Variants in ZNF804A observed in about 807,000 individuals in gnomAD.
ZNF804A encodes the protein zinc finger protein 804A.
Under a neutral mutation model 16.5 loss-of-function variants are expected in ZNF804A, and 2 were observed. The observed-to-expected ratio is 0.12, with a 90% CI of 0.05 to 0.38. The LOEUF is 0.38. Ranked by LOEUF, ZNF804A falls within the 10% of genes least tolerant of loss-of-function variation. The probability of loss-of-function intolerance (pLI) is 0.99; values close to 1 mark genes in which losing one functional copy is unlikely to be tolerated. For synonymous variants in ZNF804A, 534 were observed against 489.6 expected (o/e 1.09, Z -1.20); for missense variants, 1,473 against 1,390.7 (o/e 1.06, Z -0.94).
chr2:184,908,219 C>T (rs1352115747), intron 2 of ZNF804A, among the ~76,000 whole-genome samples: 1 of 152,058 alleles, frequency 6.6e-6, no homozygotes, highest in Non-Finnish European at 1.5e-5. Flanking sequence ...CCTTTGCCAG[C>T]TTTAAGGGGT....
At chr2:184,905,896 G>C (rs1685265901) in intron 2 of ZNF804A, among the ~76,000 whole-genome samples, 1 of 152,116 alleles carries the variant, frequency 6.6e-6, no homozygotes. Context: ...TTGTGTACTT[G>C]GTGATATAGC....
intron 2 of ZNF804A, among the ~76,000 whole-genome samples, chr2:184,909,695 A>G (rs911703848): frequency 6.6e-6 from 1 of 151,994 alleles, no homozygotes; most frequent in Non-Finnish European, 1.5e-5. Flanking sequence ...TCAATCTCAA[A>G]TGAGATTTGT....
intron 1 of ZNF804A, among the ~76,000 whole-genome samples, chr2:184,636,515 G>A (rs944050813): frequency 7.2e-6 from 1 of 139,784 alleles, no homozygotes; most frequent in Non-Finnish European, 1.5e-5. Context: ...TAGGTGCTTT[G>A]GCTAGGACAA....
At position 184,926,414 on chromosome 2, in the gene ZNF804A, G is replaced by T. The variant is rs567809449; in HGVS notation, c.256-7189G>T. The stretch of plus-strand genomic sequence containing the variant: ...TTATATTATTTGTTTCTTCTTTCTT[G>T]CTGCTTTTAGGATCCTTTCTTTTTC... On this transcript the variant is annotated intron_variant, in intron 2 of 3. Transcript: ENST00000302277. Among the ~76,000 whole-genome samples, 26 of 151,674 alleles carry T rather than the reference G, an allele frequency of 1.7e-4. No individual in the cohort carries two copies. The South Asian group carries it at 5.4e-3, about 32-fold the overall frequency.
At chr2:184,900,358 A>T (rs144560346) in intron 2 of ZNF804A, among the ~76,000 whole-genome samples, 1 of 152,214 alleles carries the variant, frequency 6.6e-6, no homozygotes, top group East Asian at 1.9e-4. Flanking sequence ...CTACATATAA[A>T]TCCCTGAATT....
At chr2:184,783,409 C>T (rs912344752) in intron 1 of ZNF804A, among the ~76,000 whole-genome samples, 1 of 151,390 alleles carries the variant, frequency 6.6e-6, no homozygotes, top group South Asian at 2.1e-4. Context: ...CTAGAAAATG[C>T]TTTTGGAAGA....
chr2:184,686,598 A>G (rs1692637955), intron 1 of ZNF804A, among the ~76,000 whole-genome samples: 1 of 152,016 alleles, frequency 6.6e-6, no homozygotes, highest in African/African-American at 2.4e-5. Flanking sequence ...GCTCTGTTTT[A>G]AGCTCTTTTG....
At position 184,865,178 on chromosome 2, in the gene ZNF804A, C is replaced by T. The variant is rs1211725958; in HGVS notation, c.112-1191C>T. Among the ~76,000 whole-genome samples, 5 of 151,916 alleles carry T rather than the reference C, an allele frequency of 3.3e-5. No homozygotes were observed. The East Asian group carries it at 9.7e-4, about 29-fold the overall frequency. Reference sequence around the variant, plus strand: ...TGCAGGCATGAGCCACGGCGCCAGGCCTAGTTATTCTGAATTTTAAAGGAG... The same window carrying T: ...TGCAGGCATGAGCCACGGCGCCAGGTCTAGTTATTCTGAATTTTAAAGGAG... On this transcript the variant is annotated intron_variant, in intron 1 of 3. Transcript: ENST00000302277.
At chr2:184,740,115 A>G (rs1693691192) in intron 1 of ZNF804A, among the ~76,000 whole-genome samples, 1 of 152,184 alleles carries the variant, frequency 6.6e-6, no homozygotes, top group South Asian at 2.1e-4. Flanking sequence ...TCAATATTTC[A>G]AGGGACTCAT....
intron 1 of ZNF804A, among the ~76,000 whole-genome samples, chr2:184,642,070 G>A (rs1184449419): frequency 1.3e-5 from 2 of 151,968 alleles, no homozygotes; most frequent in African/African-American, 2.4e-5. Context: ...ATGCACTCTT[G>A]ATGTTTCTCA....
At chr2:184,613,141 G>C (rs1380134567) in intron 1 of ZNF804A, among the ~76,000 whole-genome samples, 1 of 152,228 alleles carries the variant, frequency 6.6e-6, no homozygotes, top group Non-Finnish European at 1.5e-5. Flanking sequence ...AAACTGTGTA[G>C]AGTATGAGAC....
At chr2:184,713,163 TA>T (rs1366452603) in intron 1 of ZNF804A, among the ~76,000 whole-genome samples, 1 of 151,732 alleles carries the variant, frequency 6.6e-6, no homozygotes, top group Non-Finnish European at 1.5e-5. Context: ...GCTTCAATAG[TA>T]AAGGACCTTA....
intron 1 of ZNF804A, among the ~76,000 whole-genome samples, chr2:184,850,598 T>G (rs1574240708): frequency 6.6e-6 from 1 of 151,710 alleles, no homozygotes; most frequent in African/African-American, 2.4e-5. Context: ...TTCTTTCTTT[T>G]TTTTTTAACT....
intron 1 of ZNF804A, among the ~76,000 whole-genome samples, chr2:184,683,122 C>A (rs996067810): frequency 6.6e-6 from 1 of 152,104 alleles, no homozygotes. Context: ...ATTGCAGTAT[C>A]TATTTTATCT....
intron 1 of ZNF804A, among the ~76,000 whole-genome samples, chr2:184,604,146 CTTTTTTTTTTTTT>C (rs759053144): frequency 0.027 from 1,203 of 44,672 alleles, 124 homozygotes; most frequent in Non-Finnish European, 0.042. Flanking sequence ...ACTGCAATTA[CTTTTTTTTTTTTT>C]TTTTTTTTTT....
At chr2:184,682,945 C>T (rs1274369720) in intron 1 of ZNF804A, among the ~76,000 whole-genome samples, 1 of 152,162 alleles carries the variant, frequency 6.6e-6, no homozygotes, top group African/African-American at 2.4e-5. Context: ...AAAGTCAAGG[C>T]TGCAGTGAGC....
In ZNF804A at chr2:184,937,030, G is replaced by A. The variant is rs1343636367; in HGVS notation, c.1634G>A (p.Gly545Asp). The change falls in exon 4 of 4, where the codon GGT becomes GAT. Residue 545 changes from glycine to aspartate, a missense_variant. By Grantham distance (94) the Gly-to-Asp change is moderately conservative. Coordinates refer to ENST00000302277, the MANE Select transcript of ZNF804A (RefSeq NM_194250.2). The stretch of plus-strand genomic sequence containing the variant: ...GATTCTGGAAAAAATGAGAACACAG[G>A]TCAGAGGTATAAAAACATTTCCTGT... ...SCDSGKNENTGQRYKNISCKI... is the reference protein window; with the variant it reads ...SCDSGKNENTDQRYKNISCKI... 6.2e-7 allele frequency: 1 copy of A among 1,610,652 alleles called. No individual in the cohort carries two copies. Among genetic ancestry groups the A allele is most frequent in the Non-Finnish European group, 8.5e-7 (1 of 1,178,978 alleles).
At chr2:184,755,871 C>G (rs1693951656) in intron 1 of ZNF804A, among the ~76,000 whole-genome samples, 1 of 151,984 alleles carries the variant, frequency 6.6e-6, no homozygotes, top group Non-Finnish European at 1.5e-5. Context: ...CTGAATTCTA[C>G]TCCCAGAAGA....
In ZNF804A at chr2:184,938,848, T is replaced by C. The variant is rs1402671634; in HGVS notation, c.3452T>C (p.Val1151Ala). ...TSLPQLSVGP[V>A]GPRLCPGNQP... ...TTACCTCAGCTCTCAGTAGGACCAG[T>C]AGGACCGAGGCTTTGTCCTGGGAAC... Residue 1151 changes from valine (V) to alanine (A), a missense_variant, in exon 4 of 4, where the codon GTA (valine) becomes GCA (alanine). Physicochemically the swap from Val to Ala is moderately conservative, Grantham distance 64. Transcript: ENST00000302277. 7 of 1,613,980 alleles carry C rather than the reference T, an allele frequency of 4.3e-6. No homozygotes were observed. In the South Asian group the frequency reaches 5.5e-5, roughly 13 times the overall value.
Sources: gnomAD v4.1 joint callset for allele counts (sites outside exome capture counted in the v4.1 genomes callset) on GRCh38, gnomAD v4.1.1 for gene constraint, MANE v1.5 for transcripts, NCBI Gene and HGNC (gene_info 2026-07-23, HGNC 2026-07-21) for gene names.